CFAP65: variants seen among roughly 807,000 people sequenced by gnomAD.
CFAP65 encodes the protein cilia and flagella associated protein 65, also known as cilia- and flagella-associated protein 65.
Under a neutral mutation model 208.0 loss-of-function variants are expected in CFAP65, and 155 were observed. The ratio of observed to expected loss-of-function variants is 0.75; its 90% CI spans 0.65 to 0.85. The LOEUF (loss-of-function observed/expected upper bound fraction) is 0.85. Ranked by LOEUF, CFAP65 falls within the 40% of genes least tolerant of loss-of-function variation. CFAP65 has a pLI of 0.00. For synonymous variants in CFAP65, 970 were observed against 986.3 expected (o/e 0.98, Z 0.31); for missense variants, 2,294 against 2,451.3 (o/e 0.94, Z 1.36).
rs760878474 is a variant in CFAP65, at chr2:219,023,364, AAGTAG to A, written c.2658_2662del (p.Tyr887GlnfsTer31). On this transcript the variant is annotated frameshift_variant, in exon 16 of 35. Coordinates refer to ENST00000341552, the MANE Select transcript of CFAP65 (RefSeq NM_194302.4). LOFTEE classifies it high-confidence loss of function. ...GGAGCAGCCCACCCAGGTGGGCTTG[AAGTAG>A]AGGCTTTTGTGGGTGTCCAGCTTCA... is the stretch of plus-strand genomic sequence containing the variant. 6.2e-7 allele frequency: 1 copy of A among 1,607,376 alleles called. No individual in the cohort carries two copies. Among genetic ancestry groups the A allele is most frequent in the Non-Finnish European group, 8.5e-7 (1 of 1,177,350 alleles).
chr2:219,021,888 T>G lies in CFAP65; in HGVS notation c.3022A>C (p.Ser1008Arg). ...ELAFGNVLVN[S>R]KQSRFLVLLN... ...AGGACAAGGAACCTGGACTGCTTGC[T>G]GTTCACCAGCACATTCCCAAAGGCC... The change falls in exon 18 of 35, where the codon AGC (serine) becomes CGC (arginine). Residue 1008 changes from serine to arginine, a missense_variant. Physicochemically the swap from Ser to Arg is moderately radical, Grantham distance 110 (BLOSUM62 -1). Around this residue, in one of 2 missense-constraint regions of CFAP65, gnomAD observed 1,427 missense variants for 1,438.7 expected, o/e 0.99. Coordinates refer to ENST00000341552, the MANE Select transcript of CFAP65 (RefSeq NM_194302.4). The G allele has an allele frequency of 6.2e-7, 1 of 1,613,808 alleles. No individual in the cohort carries two copies. Among genetic ancestry groups the G allele is most frequent in the Non-Finnish European group, 8.5e-7 (1 of 1,180,022 alleles).
Position 219,031,031 on chromosome 2 carries a change from G to C in CFAP65, c.1015+75C>G, listed in dbSNP as rs79033799. On this transcript the variant is annotated intron_variant, in intron 8 of 34. Transcript: ENST00000341552. The surrounding 1 kb of genome is among the most constrained non-coding windows in gnomAD (Gnocchi z 5.2). ...CGGGGGCCAGGCCAGATGGGAGGTG[G>C]GGGACACTGAGGCCTGGAGGACCCA... The C allele has an allele frequency of 2.9e-3, 4,389 of 1,492,578 alleles. 111 individuals carry two copies. The African/African-American group carries it at 0.052, about 18-fold the overall frequency. 92.5% of individuals were successfully genotyped at this position (1,492,578 alleles called of 1,614,324 possible).
At chr2:219,025,483 G>A (rs745381047) in intron 14 of CFAP65, among the ~76,000 whole-genome samples, 8 of 152,150 alleles carry the variant, frequency 5.3e-5, no homozygotes, top group African/African-American at 1.4e-4. Flanking sequence ...GGAAGCCGGC[G>A]GTCTGGCCCC....
rs866104702 is a variant in CFAP65 at position 219,032,462 on chromosome 2, G to C, written c.645+8C>G. 11 of 1,577,522 alleles carry C rather than the reference G, an allele frequency of 7.0e-6. No homozygotes were observed. In the South Asian group the frequency reaches 8.1e-5, roughly 12 times the overall value. Reference sequence around the variant, plus strand: ...CTCCCTGCCCTCACTCGCTGTGGCAGACCTTACCGCCTCCAGAGGCCGGAA... The same window carrying C: ...CTCCCTGCCCTCACTCGCTGTGGCACACCTTACCGCCTCCAGAGGCCGGAA... On this transcript the variant is annotated splice_region_variant and intron_variant, in intron 6 of 34. Transcript: ENST00000341552. The surrounding 1 kb of genome is among the most constrained non-coding windows in gnomAD (Gnocchi z 5.5).
At chr2:219,009,571 T>A (rs1023621908) in intron 27 of CFAP65, 111 bp from the exon 28 acceptor site, 2 of 716,258 alleles carry the variant, frequency 2.8e-6, no homozygotes, top group African/African-American at 3.6e-5. Context: ...TGAGACAAGA[T>A]GGGATGGGAT....
At chr2:219,012,940 GT>G (rs1946583567) in intron 24 of CFAP65, among the ~76,000 whole-genome samples, 1 of 152,190 alleles carries the variant, frequency 6.6e-6, no homozygotes, top group South Asian at 2.1e-4. Flanking sequence ...ATACTGGGGT[GT>G]AAGCATATAT....
intron 5 of CFAP65, chr2:219,035,191 A>G: frequency 1.2e-6 from 1 of 816,220 alleles, no homozygotes; most frequent in Non-Finnish European, 1.9e-6. Context: ...GTACTTATGT[A>G]ACTGGACACA....
intron 21 of CFAP65, chr2:219,015,527 A>G (rs916342626): frequency 6.6e-6 from 1 of 152,306 alleles, no homozygotes; most frequent in African/African-American, 2.4e-5. Context: ...CATCTGAAGC[A>G]TGAAGAATAG....
chr2:219,002,916 G>A lies in CFAP65; in HGVS notation c.*21C>T. On this transcript the variant is annotated 3_prime_UTR_variant, in exon 35 of 35. Transcript: ENST00000341552. The surrounding 1 kb of genome is among the most constrained non-coding windows in gnomAD (Gnocchi z 7.9). Reference sequence around the variant, plus strand: ...CAGGCGTGACCCCTAGCGGCATGTCGGAGAGGCTGGGCGCGGGCATTTACG... The same window carrying A: ...CAGGCGTGACCCCTAGCGGCATGTCAGAGAGGCTGGGCGCGGGCATTTACG... The A allele has an allele frequency of 6.4e-7, 1 of 1,557,786 alleles. No individual in the cohort carries two copies.
At position 219,023,248 on chromosome 2, in the gene CFAP65, C is replaced by G. The variant is rs1001555862; in HGVS notation, c.2779G>C (p.Val927Leu). ...TGGATTAGCCCCCTGGAGGGCTGGA[C>G]AGCCAGCAGCTTTCGATGCTGCTCA... ...VSEQHRKLLA[V>L]QPSRGLIQPN... is the part of the protein sequence containing the mutation. The change falls in exon 16 of 35, where the codon GTC (valine) becomes CTC (leucine). Residue 927 changes from valine to leucine, a missense_variant. Coordinates refer to ENST00000341552, the MANE Select transcript of CFAP65 (RefSeq NM_194302.4). 4 of 1,612,896 alleles carry G rather than the reference C, an allele frequency of 2.5e-6. No homozygotes were observed. The highest frequency in any genetic ancestry group is 3.4e-6 in the Non-Finnish European group (4 of 1,179,918).
intron 19 of CFAP65, among the ~76,000 whole-genome samples, chr2:219,020,390 A>AT (rs144378098): frequency 0.046 from 7,024 of 151,960 alleles, 235 homozygotes; most frequent in African/African-American, 0.088. Flanking sequence ...ATTTCATTTC[A>AT]TTTTTGAGAT....
At position 219,040,541 on chromosome 2, in the gene CFAP65, C is replaced by G; in HGVS notation, c.-25G>C. 1.3e-6 allele frequency: 2 copies of G among 1,540,540 alleles called. No homozygotes were observed. Among genetic ancestry groups the G allele is most frequent in the South Asian group, 2.4e-5 (2 of 83,818 alleles). ...TACCTCCAATTGTGAACTGGACGTT[C>G]AGATGAAATCAAAGAAATGTAAGCT... is the stretch of plus-strand genomic sequence containing the variant. On this transcript the variant is annotated 5_prime_UTR_variant, in exon 2 of 35. The change abolishes the stop of an existing upstream ORF in the 5' untranslated region. Coordinates refer to ENST00000341552, the MANE Select transcript of CFAP65 (RefSeq NM_194302.4).
chr2:219,024,322 C>T (rs1574605876), intron 14 of CFAP65, 62 bp from the exon 15 acceptor site: 1 of 1,556,882 alleles, frequency 6.4e-7, no homozygotes, highest in East Asian at 2.3e-5. Context: ...GACACACACT[C>T]AGGGCCCTAT....
At chr2:219,006,646 C>A in intron 29 of CFAP65, 137 bp from the exon 30 acceptor site, 1 of 780,560 alleles carries the variant, frequency 1.3e-6, no homozygotes, top group Non-Finnish European at 2.2e-6. Context: ...CCTGCCTGGC[C>A]AACATGGCGA....
chr2:219,039,163 G>A, intron 2 of CFAP65, 113 bp from the exon 3 acceptor site: 2 of 937,492 alleles, frequency 2.1e-6, no homozygotes, highest in South Asian at 3.5e-5. Flanking sequence ...TTGTATATAT[G>A]CCAGATGCTA....
intron 31 of CFAP65, 103 bp from the exon 32 acceptor site, chr2:219,005,665 G>C: frequency 7.2e-7 from 1 of 1,396,144 alleles, no homozygotes; most frequent in Non-Finnish European, 9.9e-7. Flanking sequence ...ACACAGATGA[G>C]TTTGAGGCAC....
intron 29 of CFAP65, among the ~76,000 whole-genome samples, chr2:219,007,606 A>G (rs1425970341): frequency 1.3e-5 from 2 of 152,100 alleles, no homozygotes; most frequent in Non-Finnish European, 2.9e-5. Flanking sequence ...AAGGTTGTGA[A>G]ATTGGGGGAG....
chr2:219,031,625 C>G lies in CFAP65; in HGVS notation c.679G>C (p.Ala227Pro), dbSNP rs761870239. ...EYMDQLWFEK[A>P]EGMFCVGLRA... is the part of the protein sequence containing the mutation. ...AGGCCGACACAGAACATCCCCTCCG[C>G]TTTCTCAAACCACAGCTGGTCCATG... Residue 227 changes from alanine to proline, a missense_variant, in exon 7 of 35, where the codon GCG becomes CCG. Around this residue, in one of 2 missense-constraint regions of CFAP65, gnomAD observed 867 missense variants for 1,012.6 expected, o/e 0.86. Coordinates refer to ENST00000341552, the MANE Select transcript of CFAP65 (RefSeq NM_194302.4). This position sits in a 1 kb window ranked among gnomAD's most constrained non-coding sequence, Gnocchi z 5.2. 1 of 1,613,442 alleles carries G rather than the reference C, an allele frequency of 6.2e-7. No individual in the cohort carries two copies. The highest frequency in any genetic ancestry group is 8.5e-7 in the Non-Finnish European group (1 of 1,179,646).
rs748639978 is a variant in CFAP65, at chr2:219,010,558, C to T, written c.4296G>A (p.Val1432=). The T allele has an allele frequency of 2.5e-6, 4 of 1,609,828 alleles. No homozygotes were observed. The highest frequency in any genetic ancestry group is 2.5e-6 in the Non-Finnish European group (3 of 1,179,132). The change falls in exon 26 of 35, where the codon GTG becomes GTA. Residue 1432 remains valine, a synonymous_variant. Coordinates refer to ENST00000341552, the MANE Select transcript of CFAP65 (RefSeq NM_194302.4). ...CCCCTTTCCCCACCTGTCCAGGCAC[C>T]ACCAGCCTAGAGTGTATGGAACTGT... ...WDNSSIHSRL[V]VPGQNVFLSQ...
Sources: gnomAD v4.1 joint callset for allele counts (sites outside exome capture counted in the v4.1 genomes callset) on GRCh38, gnomAD v4.1.1 for gene constraint, gnomAD v4.1.1 regional missense constraint, Gnocchi (gnomAD v3.1) non-coding constraint, MANE v1.5 for transcripts, NCBI Gene and HGNC (gene_info 2026-07-23, HGNC 2026-07-21) for gene names.